Variants in SAMD11 observed in about 807,000 individuals in gnomAD.
SAMD11 encodes sterile alpha motif domain-containing protein 11.
Under a neutral mutation model 64.4 loss-of-function variants are expected in SAMD11, and 77 were observed. The observed-to-expected ratio is 1.20, with a 90% CI of 0.99 to 1.44. SAMD11 has a LOEUF of 1.44. SAMD11 is among the 40% of genes most tolerant of loss of function. The probability of loss-of-function intolerance (pLI) is 0.00; values close to 1 mark genes in which losing one functional copy is unlikely to be tolerated. For missense variants in SAMD11, 1,402 were observed against 943.3 expected (o/e 1.49, Z -6.37); for synonymous variants, 658 against 421.9 (o/e 1.56, Z -6.86).
chr1:941,851 C>A (rs1452661338), intron 8 of SAMD11, among the ~76,000 whole-genome samples: 1 of 152,130 alleles, frequency 6.6e-6, no homozygotes, highest in Admixed American at 6.5e-5. Context: ...CCCGCTTCCC[C>A]CGCCGCTCGG....
chr1:927,472 C>A (rs1460567103), intron 2 of SAMD11, among the ~76,000 whole-genome samples: 1 of 152,184 alleles, frequency 6.6e-6, no homozygotes, highest in Non-Finnish European at 1.5e-5. Context: ...CAGGTCCCTG[C>A]CCTGCGTGAG....
Position 942,574 on chromosome 1 carries a change from C to T in SAMD11, c.1569C>T (p.Ala523=), listed in dbSNP as rs1013410756. ...KQNLARLELP[A]DLLRQKELES... is the part of the protein sequence containing the mutation. ...CCCGGCCCAGGCTGGAGCTGCCCGC[C>T]GACCTCCTGCGGCAGAAGGAGCTGG... Residue 523 remains alanine (A), a synonymous_variant, in exon 11 of 14, where the codon GCC becomes GCT. Transcript: ENST00000616016. The T allele has an allele frequency of 7.1e-6, 10 of 1,406,522 alleles. No individual in the cohort carries two copies. The highest frequency in any genetic ancestry group is 3.1e-5 in the East Asian group (1 of 32,662). 87.1% of individuals were successfully genotyped at this position (1,406,522 alleles called of 1,614,324 possible). A position where few individuals can be genotyped will look rare whatever the true frequency, so the allele number is the denominator to read the frequency against.
At chr1:939,644 A>G (rs965325616) in intron 7 of SAMD11, among the ~76,000 whole-genome samples, 1 of 152,156 alleles carries the variant, frequency 6.6e-6, no homozygotes, top group African/African-American at 2.4e-5. Context: ...CCCCAGGGTC[A>G]TGACTAGCTC....
chr1:942,457 CA>C lies in SAMD11; in HGVS notation c.1523del (p.Gln508ArgfsTer56). Reference sequence around the variant, plus strand: ...GCAGGCGGAGATGTTCGCCTGGCAGCAGGAGCTCCTGCGGAAGCAGAACCTG... The same window carrying C: ...GCAGGCGGAGATGTTCGCCTGGCAGCGGAGCTCCTGCGGAAGCAGAACCTG... ...PAQAEMFAWQ[Q>X]ELLRKQNLAR... On this transcript the variant is annotated frameshift_variant, in exon 10 of 14. Transcript: ENST00000616016. LOFTEE classifies it high-confidence loss of function. 1 of 1,488,016 alleles carries C rather than the reference CA, an allele frequency of 6.7e-7. No homozygotes were observed. Among genetic ancestry groups the C allele is most frequent in the Non-Finnish European group, 8.9e-7 (1 of 1,125,560 alleles). 92.2% of individuals were successfully genotyped at this position (1,488,016 alleles called of 1,614,324 possible).
intron 7 of SAMD11, 23 bp from the exon 8 acceptor site, chr1:941,121 C>G: frequency 1.3e-6 from 2 of 1,578,376 alleles, no homozygotes; most frequent in Middle Eastern, 2.0e-4. Flanking sequence ...CCGGGGGGAT[C>G]ACTGCTGTTG....
intron 2 of SAMD11, among the ~76,000 whole-genome samples, chr1:929,161 G>T (rs182844325): frequency 6.6e-6 from 1 of 152,384 alleles, no homozygotes; most frequent in African/African-American, 2.4e-5. Context: ...AGTGCCTGGG[G>T]CTGGGCCGGC....
In SAMD11 at chr1:942,671, CG is replaced by C. The variant is rs1257524197; in HGVS notation, c.1668del (p.Arg557AlafsTer7). 2.1e-6 allele frequency: 3 copies of C among 1,429,814 alleles called. No individual in the cohort carries two copies. The highest frequency in any genetic ancestry group is 2.7e-6 in the Non-Finnish European group (3 of 1,099,836). The allele number at this position is 1,429,814 out of a possible 1,614,324, so 88.6% of individuals were successfully genotyped here. ...CAACGACGGCGCCGAGGAGCTGCAGCGGCGCGGGGCCCTGCTGGTGCTGAAC... is the reference window on the plus strand; with the variant it reads ...CAACGACGGCGCCGAGGAGCTGCAGCGCGCGGGGCCCTGCTGGTGCTGAAC... Reference protein sequence around the residue: ...RPNDGAEELQRRGALLVLNHG... With the variant: ...RPNDGAEELQXRGALLVLNHG... On this transcript the variant is annotated frameshift_variant, in exon 11 of 14. Coordinates refer to ENST00000616016, the MANE Select transcript of SAMD11 (RefSeq NM_001385641.1). LOFTEE classifies it high-confidence loss of function.
At chr1:935,707 G>A (rs1246887636) in intron 4 of SAMD11, 65 bp from the exon 5 acceptor site, 2 of 1,604,036 alleles carry the variant, frequency 1.2e-6, no homozygotes, top group Non-Finnish European at 1.7e-6. Flanking sequence ...CACTCCCTGT[G>A]CCCAGGCTGG....
In SAMD11 at chr1:942,454, C is replaced by A. The variant is rs1025036745; in HGVS notation, c.1519C>A (p.Gln507Lys). Reference sequence around the variant, plus strand: ...CGCGCAGGCGGAGATGTTCGCCTGGCAGCAGGAGCTCCTGCGGAAGCAGAA... The same window carrying A: ...CGCGCAGGCGGAGATGTTCGCCTGGAAGCAGGAGCTCCTGCGGAAGCAGAA... The part of the protein sequence containing the change: ...PPAQAEMFAW[Q>K]QELLRKQNLA... Residue 507 changes from glutamine to lysine, a missense_variant, in exon 10 of 14, where the codon CAG (glutamine) becomes AAG (lysine). Transcript: ENST00000616016. The A allele has an allele frequency of 6.7e-7, 1 of 1,488,312 alleles. No individual in the cohort carries two copies. Among genetic ancestry groups the A allele is most frequent in the Non-Finnish European group, 8.9e-7 (1 of 1,125,664 alleles). The allele number at this position is 1,488,312 out of a possible 1,614,324, so 92.2% of individuals were successfully genotyped here. A position where few individuals can be genotyped will look rare whatever the true frequency, so the allele number is the denominator to read the frequency against.
In SAMD11 at chr1:944,002, T is replaced by TC; in HGVS notation, c.2385dup (p.Gly796ArgfsTer108). ...ACCCTGCGGGCCCCGGAGCGAGAAC[T>TC]CGGCACAGGAGAGCAGCCCTTGTCC... On this transcript the variant is annotated frameshift_variant, in exon 14 of 14. Transcript: ENST00000616016. LOFTEE classifies it low-confidence loss of function (END_TRUNC). The TC allele has an allele frequency of 6.2e-7, 1 of 1,612,838 alleles. No individual in the cohort carries two copies. The highest frequency in any genetic ancestry group is 8.5e-7 in the Non-Finnish European group (1 of 1,179,988).
chr1:935,658 C>T lies in SAMD11; in HGVS notation c.843-114C>T. On this transcript the variant is annotated intron_variant, in intron 4 of 13. Coordinates refer to ENST00000616016, the MANE Select transcript of SAMD11 (RefSeq NM_001385641.1). ...CCGAGGCGTGGGCACAGCAACGTGG[C>T]ACTCAGAGGTCATCCCCACGCTCAC... 4 of 1,401,872 alleles carry T rather than the reference C, an allele frequency of 2.9e-6. No individual in the cohort carries two copies. In the South Asian group the frequency reaches 3.8e-5, roughly 13 times the overall value. The allele number at this position is 1,401,872 out of a possible 1,614,324, so 86.8% of individuals were successfully genotyped here.
rs114397781 is a variant in SAMD11, at chr1:935,493, G to A, written c.843-279G>A. Among the ~76,000 whole-genome samples the A allele has an allele frequency of 8.5e-3, 1,294 of 152,292 alleles. 9 individuals carry two copies. Among genetic ancestry groups the A allele is most frequent in the Non-Finnish European group, 0.011 (763 of 68,020 alleles). ...ATAACTGTGATTCCCTGTGGAGGGCGTGAAGGCAGAGCCGGCTGGCTGCTC... is the reference window on the plus strand; with the variant it reads ...ATAACTGTGATTCCCTGTGGAGGGCATGAAGGCAGAGCCGGCTGGCTGCTC... On this transcript the variant is annotated intron_variant, in intron 4 of 13. Coordinates refer to ENST00000616016, the MANE Select transcript of SAMD11 (RefSeq NM_001385641.1).
intron 4 of SAMD11, among the ~76,000 whole-genome samples, chr1:933,401 A>T (rs111966739): frequency 6.6e-6 from 1 of 152,108 alleles, no homozygotes; most frequent in Non-Finnish European, 1.5e-5. Flanking sequence ...ACCAGGTGCC[A>T]CTGCCCAGCC....
intron 4 of SAMD11, among the ~76,000 whole-genome samples, chr1:932,545 T>G (rs1303120124): frequency 6.6e-6 from 1 of 152,240 alleles, no homozygotes; most frequent in Non-Finnish European, 1.5e-5. Context: ...CCTGTTGACC[T>G]GACCCTGGTG....
chr1:925,705 G>A (rs1264321039), intron 1 of SAMD11: 4 of 506,466 alleles, frequency 7.9e-6, no homozygotes, highest in Non-Finnish European at 1.4e-5. Context: ...TTCGTCGGGG[G>A]AGGGCGCTCC....
intron 3 of SAMD11, among the ~76,000 whole-genome samples, chr1:930,547 C>T (rs1044868494): frequency 6.6e-6 from 1 of 152,200 alleles, no homozygotes; most frequent in Non-Finnish European, 1.5e-5. Context: ...CTCTGCGGCG[C>T]TCACTGGCAG....
Position 942,216 on chromosome 1 carries a change from T to G in SAMD11, c.1439T>G (p.Phe480Cys), listed in dbSNP as rs1160476310. 1.5e-6 allele frequency: 2 copies of G among 1,357,234 alleles called. No individual in the cohort carries two copies. The highest frequency in any genetic ancestry group is 1.9e-6 in the Non-Finnish European group (2 of 1,047,876). The allele number at this position is 1,357,234 out of a possible 1,614,324, so 84.1% of individuals were successfully genotyped here. A position where few individuals can be genotyped will look rare whatever the true frequency, so the allele number is the denominator to read the frequency against. Residue 480 changes from phenylalanine (F) to cysteine (C), a missense_variant, in exon 9 of 14, where the codon TTC (phenylalanine) becomes TGC (cysteine). Transcript: ENST00000616016. ...VALGPHLRPP[F>C]LGVPSALCQT... Reference sequence around the variant, plus strand: ...CTGGGCCCCCATCTCAGGCCCCCCTTCCTGGGGGTGCCCTCGGCTCTGTGC... The same window carrying G: ...CTGGGCCCCCATCTCAGGCCCCCCTGCCTGGGGGTGCCCTCGGCTCTGTGC...
Position 944,108 on chromosome 1 carries a change from GGCTCTA to G in SAMD11, c.2491_2496del (p.Ala831_Leu832del). The G allele has an allele frequency of 6.2e-7, 1 of 1,607,766 alleles. No homozygotes were observed. Among genetic ancestry groups the G allele is most frequent in the African/African-American group, 1.3e-5 (1 of 74,878 alleles). ...CACCCAAGCAGGAGAATGGGACCTT[GGCTCTA>G]CTTCCAGGGGCCCCCGACCCTTCCC... is the stretch of plus-strand genomic sequence containing the variant. On this transcript the variant is annotated inframe_deletion, in exon 14 of 14. Coordinates refer to ENST00000616016, the MANE Select transcript of SAMD11 (RefSeq NM_001385641.1).
At position 938,123 on chromosome 1, in the gene SAMD11, G is replaced by A. The variant is rs554971354; in HGVS notation, c.968-917G>A. The stretch of plus-strand genomic sequence containing the variant: ...CCCAGGGCGTGGAGTCAGGGGCTTC[G>A]GAGGAGCTCGGGGTGGGTCGGAGAT... On this transcript the variant is annotated intron_variant, in intron 5 of 13. Transcript: ENST00000616016. Among the ~76,000 whole-genome samples the A allele has an allele frequency of 1.2e-4, 18 of 152,262 alleles. No homozygotes were observed. The South Asian group carries it at 1.9e-3, about 16-fold the overall frequency.
Sources: gnomAD v4.1 joint callset for allele counts (sites outside exome capture counted in the v4.1 genomes callset) on GRCh38, gnomAD v4.1.1 for gene constraint, MANE v1.5 for transcripts, NCBI Gene and HGNC (gene_info 2026-07-23, HGNC 2026-07-21) for gene names.